PKNOX2: variants seen among roughly 807,000 people sequenced by gnomAD.
PKNOX2 encodes the protein PBX/knotted 1 homeobox 2.
A neutral mutation model predicts 53.1 loss-of-function variants in PKNOX2; 14 were observed. The ratio of observed to expected loss-of-function variants is 0.26; its 90% CI spans 0.17 to 0.41. The LOEUF (loss-of-function observed/expected upper bound fraction) is 0.41, where lower values mean the gene tolerates loss of function less well. Among genes scored for constraint, PKNOX2 ranks in the 10% least tolerant of loss-of-function variants. The probability of loss-of-function intolerance (pLI) is 1.00; values close to 1 mark genes in which losing one functional copy is unlikely to be tolerated. For missense variants in PKNOX2, 496 were observed against 602.8 expected (o/e 0.82, Z 1.85); for synonymous variants, 257 against 242.8 (o/e 1.06, Z -0.54).
At chr11:125,415,498 C>G (rs548085039) in intron 10 of PKNOX2, among the ~76,000 whole-genome samples, 6 of 152,196 alleles carry the variant, frequency 3.9e-5, no homozygotes, top group South Asian at 4.1e-4. Context: ...ATCTACCCAC[C>G]TTGGCCTGCC....
At position 125,196,230 on chromosome 11, in the gene PKNOX2, C is replaced by T. The variant is rs117870764; in HGVS notation, c.-201+31454C>T. ...CATTTTCCCAGAGCTTGTGTATTCC[C>T]GTGGCACCCGAGAAGGGGCTGTGAG... On this transcript the variant is annotated intron_variant, in intron 1 of 12. Transcript: ENST00000298282. 1.6e-3 allele frequency among the ~76,000 whole-genome samples: 244 copies of T among 152,272 alleles called. 1 individual carries two copies. The highest frequency in any genetic ancestry group is 3.4e-3 in the Middle Eastern group (1 of 294).
At chr11:125,429,523 A>T (rs1280711875) in intron 11 of PKNOX2, among the ~76,000 whole-genome samples, 1 of 151,970 alleles carries the variant, frequency 6.6e-6, no homozygotes, top group Non-Finnish European at 1.5e-5. Context: ...AGCCATTCTG[A>T]CCCCACAGGG....
At chr11:125,193,718 C>G (rs1053782205) in intron 1 of PKNOX2, among the ~76,000 whole-genome samples, 1 of 152,184 alleles carries the variant, frequency 6.6e-6, no homozygotes, top group Non-Finnish European at 1.5e-5. Context: ...TGGGACTCAT[C>G]ATGTGAACCA....
intron 5 of PKNOX2, among the ~76,000 whole-genome samples, chr11:125,378,080 G>A (rs983798411): frequency 6.6e-5 from 10 of 152,238 alleles, no homozygotes; most frequent in African/African-American, 2.4e-4. Context: ...TTAGGGGTCT[G>A]TTTGGGAAAG....
chr11:125,238,417 G>T (rs1189444864), intron 2 of PKNOX2, among the ~76,000 whole-genome samples: 1 of 152,204 alleles, frequency 6.6e-6, no homozygotes, highest in Non-Finnish European at 1.5e-5. Flanking sequence ...CTCACACTAT[G>T]TTATGGGATG....
intron 5 of PKNOX2, among the ~76,000 whole-genome samples, chr11:125,378,742 A>G (rs1476288823): frequency 1.3e-5 from 2 of 152,174 alleles, no homozygotes; most frequent in East Asian, 1.9e-4. Context: ...ATGACTGTGA[A>G]TCACAAAGTT....
chr11:125,310,699 T>A (rs188851952), intron 2 of PKNOX2, among the ~76,000 whole-genome samples: 8 of 152,292 alleles, frequency 5.3e-5, no homozygotes, highest in Admixed American at 5.2e-4. Flanking sequence ...ACAGTGGTTT[T>A]GCAATCCTGT....
chr11:125,406,090 A>T (rs566064342), intron 7 of PKNOX2, among the ~76,000 whole-genome samples: 66 of 152,292 alleles, frequency 4.3e-4, no homozygotes, highest in African/African-American at 1.5e-3. Flanking sequence ...CTGTGTCTAG[A>T]CACAGTGGCA....
At chr11:125,254,095 G>C (rs1944216331) in intron 2 of PKNOX2, among the ~76,000 whole-genome samples, 2 of 152,150 alleles carry the variant, frequency 1.3e-5, no homozygotes, top group Non-Finnish European at 1.5e-5. Flanking sequence ...AACAAATGGA[G>C]ATGCGAACCA....
intron 3 of PKNOX2, among the ~76,000 whole-genome samples, chr11:125,348,974 C>G (rs1446234536): frequency 1.3e-5 from 2 of 152,088 alleles, no homozygotes; most frequent in Non-Finnish European, 2.9e-5. Context: ...TGCTATGGCC[C>G]TTCACTTTTT....
At chr11:125,407,899 T>G (rs1955213411) in intron 7 of PKNOX2, among the ~76,000 whole-genome samples, 1 of 152,152 alleles carries the variant, frequency 6.6e-6, no homozygotes, top group African/African-American at 2.4e-5. Context: ...AACTCAGGCG[T>G]TGAGGGTCCC....
chr11:125,167,205 G>T (rs923125662), intron 1 of PKNOX2, among the ~76,000 whole-genome samples: 2 of 145,636 alleles, frequency 1.4e-5, no homozygotes, highest in Non-Finnish European at 3.0e-5. Context: ...GGGTGGGAGC[G>T]GGGGGGAGGA....
chr11:125,307,175 T>A (rs529400074), intron 2 of PKNOX2, among the ~76,000 whole-genome samples: 30 of 152,256 alleles, frequency 2.0e-4, no homozygotes, highest in African/African-American at 7.2e-4. Flanking sequence ...TTGTTGGAAA[T>A]AAGGATGGAT....
intron 10 of PKNOX2, among the ~76,000 whole-genome samples, chr11:125,413,695 G>A (rs1345852293): frequency 6.6e-6 from 1 of 152,202 alleles, no homozygotes; most frequent in Admixed American, 6.5e-5. Context: ...TAGGAAGACT[G>A]TGATGAAGTA....
chr11:125,244,081 G>A (rs1271837878), intron 2 of PKNOX2, among the ~76,000 whole-genome samples: 1 of 152,228 alleles, frequency 6.6e-6, no homozygotes, highest in African/African-American at 2.4e-5. Flanking sequence ...GCACAAGATT[G>A]GAGCTTCTGA....
At chr11:125,202,592 T>G (rs1938575744) in intron 1 of PKNOX2, among the ~76,000 whole-genome samples, 1 of 151,864 alleles carries the variant, frequency 6.6e-6, no homozygotes, top group Non-Finnish European at 1.5e-5. Context: ...GCCGACAGAG[T>G]GCTGAGCACT....
intron 1 of PKNOX2, among the ~76,000 whole-genome samples, chr11:125,212,251 G>C (rs1354765973): frequency 1.3e-5 from 2 of 152,026 alleles, no homozygotes; most frequent in Non-Finnish European, 2.9e-5. Context: ...CCAGTCTTAT[G>C]TGTGCTGAAC....
At chr11:125,388,229 G>A (rs1953783720) in intron 6 of PKNOX2, among the ~76,000 whole-genome samples, 1 of 152,080 alleles carries the variant, frequency 6.6e-6, no homozygotes, top group Non-Finnish European at 1.5e-5. Flanking sequence ...CAAGAATCAT[G>A]TAGCCAGCAC....
chr11:125,310,996 A>G (rs562642263), intron 2 of PKNOX2, among the ~76,000 whole-genome samples: 74 of 152,180 alleles, frequency 4.9e-4, no homozygotes, highest in African/African-American at 1.8e-3. Context: ...TTGCTTTTTA[A>G]GAGAACAGGG....
Sources: gnomAD v4.1 joint callset for allele counts (sites outside exome capture counted in the v4.1 genomes callset) on GRCh38, gnomAD v4.1.1 for gene constraint, MANE v1.5 for transcripts, NCBI Gene and HGNC (gene_info 2026-07-23, HGNC 2026-07-21) for gene names.